Variants in ACSL6 observed in about 807,000 individuals in gnomAD.
The protein encoded by ACSL6 is long-chain-fatty-acid--CoA ligase 6.
In ACSL6, 47 loss-of-function variants were observed where a neutral mutation model predicts 98.2. The ratio of observed to expected loss-of-function variants is 0.48; its 90% CI spans 0.38 to 0.61. ACSL6 has a LOEUF of 0.61. Among genes scored for constraint, ACSL6 ranks in the 20% least tolerant of loss-of-function variants. The probability of loss-of-function intolerance (pLI) is 0.00; values close to 1 mark genes in which losing one functional copy is unlikely to be tolerated. For missense variants in ACSL6, 761 were observed against 913.4 expected (o/e 0.83, Z 2.15); for synonymous variants, 362 against 336.9 (o/e 1.07, Z -0.82).
intron 4 of ACSL6, 75 bp from the exon 5 acceptor site, chr5:131,989,583 CTTTTTTTTTTTTTTT>C (rs57391438): frequency 1.7e-4 from 30 of 180,626 alleles, no homozygotes; most frequent in Middle Eastern, 4.1e-3. Context: ...AGGAGGAATT[CTTTTTTTTTTTTTTT>C]TTTTTTTTTT....
Position 131,971,547 on chromosome 5 carries a change from T to C in ACSL6, c.1434+3A>G, listed in dbSNP as rs1157319709. 1 of 1,598,564 alleles carries C rather than the reference T, an allele frequency of 6.3e-7. No homozygotes were observed. Among genetic ancestry groups the C allele is most frequent in the Non-Finnish European group, 8.5e-7 (1 of 1,171,880 alleles). On this transcript the variant is annotated splice_donor_region_variant and intron_variant, in intron 14 of 20. Transcript: ENST00000651883. ...TCCAAGGGAGGACACACAATGACAA[T>C]ACCTGGCACCCTAGAGCTGCCCGGA...
intron 17 of ACSL6, among the ~76,000 whole-genome samples, chr5:131,964,971 C>T (rs1450218966): frequency 1.3e-5 from 2 of 152,182 alleles, no homozygotes; most frequent in Non-Finnish European, 2.9e-5. Context: ...GTGCCCCCAG[C>T]TCATGCCCAT....
chr5:132,011,844 C>A, upstream of ACSL6: 2 of 1,505,640 alleles, frequency 1.3e-6, no homozygotes, highest in African/African-American at 2.8e-5. The surrounding 1 kb of genome is among the most constrained non-coding windows in gnomAD (Gnocchi z 5.4). Flanking sequence ...CCGCCAAGCT[C>A]CCGGGCGGGG....
chr5:131,988,954 C>T (rs760786679), intron 5 of ACSL6, 50 bp from the exon 6 acceptor site: 21 of 1,537,826 alleles, frequency 1.4e-5, no homozygotes, highest in Middle Eastern at 3.6e-4. Context: ...GATTAGAGGG[C>T]TGTCCTGCCC....
At chr5:131,958,110 C>A (rs1474325714) in intron 20 of ACSL6, among the ~76,000 whole-genome samples, 3 of 152,210 alleles carry the variant, frequency 2.0e-5, no homozygotes, top group African/African-American at 7.2e-5. Context: ...CTAAAGGTCT[C>A]TTTTAAGCAT....
chr5:131,985,575 A>ATG, intron 8 of ACSL6, 117 bp from the exon 9 acceptor site: 1 of 1,074,122 alleles, frequency 9.3e-7, no homozygotes, highest in Non-Finnish European at 1.4e-6. Context: ...GGGTGTGAGC[A>ATG]TGTGTTGGGC....
At chr5:131,973,592 A>C (rs1184757655) in intron 11 of ACSL6, 192 bp from the exon 12 acceptor site, 6 of 488,536 alleles carry the variant, frequency 1.2e-5, no homozygotes, top group Admixed American at 3.4e-5. Flanking sequence ...ACCAAGTCCC[A>C]CTCAGGCACA....
chr5:131,971,669 C>G (rs781003772), intron 13 of ACSL6, 24 bp from the exon 14 acceptor site: 1 of 1,580,336 alleles, frequency 6.3e-7, no homozygotes, highest in Admixed American at 1.8e-5. Flanking sequence ...GAAGAGCTGC[C>G]AAATTTTGTG....
intron 15 of ACSL6, 77 bp from the exon 16 acceptor site, chr5:131,968,105 A>T (rs1753117363): frequency 7.6e-7 from 1 of 1,313,082 alleles, no homozygotes; most frequent in African/African-American, 1.5e-5. Flanking sequence ...AGCCCCTTAA[A>T]ATCTCTGAGT....
intron 11 of ACSL6, chr5:131,974,650 TGA>T: frequency 7.8e-7 from 1 of 1,279,170 alleles, no homozygotes; most frequent in Non-Finnish European, 1.1e-6. Context: ...TGGTACCTTC[TGA>T]GGACAGGGCA....
chr5:132,004,757 C>T (rs1216895996), intron 1 of ACSL6, among the ~76,000 whole-genome samples: 1 of 152,184 alleles, frequency 6.6e-6, no homozygotes, highest in African/African-American at 2.4e-5. Context: ...TACCAGCCTA[C>T]TGGATGGGGG....
chr5:131,998,011 G>A (rs545916048), intron 1 of ACSL6, among the ~76,000 whole-genome samples: 1 of 152,294 alleles, frequency 6.6e-6, no homozygotes, highest in South Asian at 2.1e-4. Flanking sequence ...GCAGAGCCTA[G>A]GCCTTGGAGT....
Position 131,962,590 on chromosome 5 carries a change from A to C in ACSL6, c.1802T>G (p.Ile601Ser). Residue 601 changes from isoleucine to serine, a missense_variant, in exon 18 of 21, where the codon ATC becomes AGC. Physicochemically the swap from Ile to Ser is moderately radical, Grantham distance 142 (BLOSUM62 -2). Coordinates refer to ENST00000651883, the MANE Select transcript of ACSL6 (RefSeq NM_001009185.3). ...CGCCACAGGTTGGCTCCGGATGTAG[A>C]TGTTCTCAATCTTCTCGGGTGCAAC... ...EYVAPEKIEN[I>S]YIRSQPVAQI... 6.2e-7 allele frequency: 1 copy of C among 1,614,056 alleles called. No individual in the cohort carries two copies. Among genetic ancestry groups the C allele is most frequent in the Non-Finnish European group, 8.5e-7 (1 of 1,179,972 alleles).
chr5:132,010,422 G>C (rs548295881), intron 1 of ACSL6, among the ~76,000 whole-genome samples: 2 of 152,188 alleles, frequency 1.3e-5, no homozygotes, highest in Non-Finnish European at 2.9e-5. Flanking sequence ...AGTAAAAAAA[G>C]GGATGGTGCC....
chr5:131,988,078 C>T lies in ACSL6; in HGVS notation c.801G>A (p.Gly267=). Reference sequence around the variant, plus strand: ...CGGCCTGCATGGACTTAATGACCACCCCGCACTTCTGCCCTCTCTCTTTCA... The same window carrying T: ...CGGCCTGCATGGACTTAATGACCACTCCGCACTTCTGCCCTCTCTCTTTCA... The part of the protein sequence containing the change: ...EALKERGQKC[G]VVIKSMQAVE... Residue 267 remains glycine, a synonymous_variant, in exon 7 of 21, where the codon GGG becomes GGA. Transcript: ENST00000651883. 6.2e-7 allele frequency: 1 copy of T among 1,614,164 alleles called. No individual in the cohort carries two copies. Among genetic ancestry groups the T allele is most frequent in the Non-Finnish European group, 8.5e-7 (1 of 1,180,014 alleles).
chr5:132,009,967 C>T (rs564947738), intron 1 of ACSL6, among the ~76,000 whole-genome samples: 14 of 152,242 alleles, frequency 9.2e-5, no homozygotes, highest in Non-Finnish European at 1.5e-4. Context: ...GCAAAGGGGT[C>T]CTGGCAGTGG....
At position 131,990,896 on chromosome 5, in the gene ACSL6, G is replaced by A; in HGVS notation, c.342C>T (p.Ala114=). ...GGCGGAACACCTGGTACATGGTCCG[G>A]GCATCATCATAGTAGTGGGTAAGTA... ...PQLLTHYYDD[A]RTMYQVFRRG... is the part of the protein sequence containing the mutation. Residue 114 remains alanine (A), a synonymous_variant, in exon 3 of 21, where the codon GCC becomes GCT. Transcript: ENST00000651883. 6.2e-7 allele frequency: 1 copy of A among 1,614,026 alleles called. No homozygotes were observed. The highest frequency in any genetic ancestry group is 8.5e-7 in the Non-Finnish European group (1 of 1,180,012).
intron 11 of ACSL6, 167 bp from the exon 12 acceptor site, chr5:131,973,567 C>G (rs2149722775): frequency 1.7e-6 from 1 of 577,008 alleles, no homozygotes; most frequent in Non-Finnish European, 2.9e-6. Flanking sequence ...GTGACCCCCA[C>G]CCCCTCACCT....
At chr5:131,965,574 T>G (rs62384096) in intron 17 of ACSL6, among the ~76,000 whole-genome samples, 10 of 152,010 alleles carry the variant, frequency 6.6e-5, no homozygotes, top group Non-Finnish European at 1.2e-4. Flanking sequence ...ACAAAAAAGT[T>G]AGCCAGATGG....
Sources: gnomAD v4.1 joint callset for allele counts (sites outside exome capture counted in the v4.1 genomes callset) on GRCh38, gnomAD v4.1.1 for gene constraint, Gnocchi (gnomAD v3.1) non-coding constraint, MANE v1.5 for transcripts, NCBI Gene and HGNC (gene_info 2026-07-23, HGNC 2026-07-21) for gene names.